PCDH15: variants seen among roughly 807,000 people sequenced by gnomAD.
PCDH15 encodes protocadherin related 15.
In PCDH15, 129 loss-of-function variants were observed where a neutral mutation model predicts 178.5. That is an observed-to-expected ratio of 0.72 (90% CI 0.63 to 0.84). The LOEUF is 0.84. Ranked by LOEUF, PCDH15 falls within the 40% of genes least tolerant of loss-of-function variation. PCDH15 has a pLI of 0.00. For synonymous variants in PCDH15, 800 were observed against 732.0 expected, an observed-to-expected ratio of 1.09 and a Z score of -1.50; for missense variants, 2,230 against 2,099.9, an observed-to-expected ratio of 1.06 and a Z score of -1.21.
intron 1 of PCDH15, among the ~76,000 whole-genome samples, chr10:55,252,948 T>A (rs1291962477): frequency 2.0e-5 from 3 of 151,920 alleles, no homozygotes; most frequent in African/African-American, 4.8e-5. Context: ...GAGAAAAAAA[T>A]TTTCTAAAAC....
At chr10:54,793,746 G>A (rs1951671464) in intron 1 of PCDH15, among the ~76,000 whole-genome samples, 1 of 148,110 alleles carries the variant, frequency 6.8e-6, no homozygotes, top group African/African-American at 2.5e-5. Context: ...ATGTAAAACT[G>A]TGCTTAGAAC....
At position 53,888,332 on chromosome 10, in the gene PCDH15, G is replaced by GTATGTACATATATA. The variant is rs1564691332; in HGVS notation, c.3501+14910_3501+14911insTATATATGTACATA. Among the ~76,000 whole-genome samples the GTATGTACATATATA allele has an allele frequency of 5.6e-3, 235 of 42,242 alleles. 5 individuals are homozygous for GTATGTACATATATA. Among genetic ancestry groups the GTATGTACATATATA allele is most frequent in the South Asian group, 9.0e-3 (8 of 888 alleles). The allele number at this position is 42,242 out of a possible 152,430, so 27.7% of individuals were successfully genotyped here. The stretch of plus-strand genomic sequence containing the variant: ...TATGTATATATGTACGTATATATAT[G>GTATGTACATATATA]TACGTATATATATATACGTATATAT... On this transcript the variant is annotated intron_variant, in intron 26 of 37. Transcript: ENST00000644397.
At chr10:54,721,327 G>C (rs1186836291) in intron 1 of PCDH15, among the ~76,000 whole-genome samples, 1 of 151,482 alleles carries the variant, frequency 6.6e-6, no homozygotes, top group Non-Finnish European at 1.5e-5. Flanking sequence ...CAAGCAACTA[G>C]AAAAAGGACA....
chr10:54,421,662 G>GTGTATATATATATATA (rs1554963405), intron 3 of PCDH15, among the ~76,000 whole-genome samples: 1 of 70,958 alleles, frequency 1.4e-5, no homozygotes, highest in African/African-American at 6.5e-5. Context: ...CATGTGTAGT[G>GTGTATATATATATATA]TATATATACA....
At chr10:54,806,893 T>C (rs1298864631) in intron 3 of PCDH15, among the ~76,000 whole-genome samples, 2 of 152,184 alleles carry the variant, frequency 1.3e-5, no homozygotes, top group African/African-American at 2.4e-5. Flanking sequence ...GTTTAAAACA[T>C]GGCTGATTGC....
At chr10:54,543,032 C>G (rs2085432986) in intron 2 of PCDH15, among the ~76,000 whole-genome samples, 1 of 152,202 alleles carries the variant, frequency 6.6e-6, no homozygotes, top group Non-Finnish European at 1.5e-5. Context: ...CCGACAGACA[C>G]TGGCACGCGT....
intron 1 of PCDH15, among the ~76,000 whole-genome samples, chr10:54,713,818 A>C (rs2095449825): frequency 6.6e-6 from 1 of 152,140 alleles, no homozygotes; most frequent in Non-Finnish European, 1.5e-5. Context: ...GAAAAGGCAA[A>C]ACATGTTTTA....
At chr10:54,020,094 G>C in intron 20 of PCDH15, 98 bp downstream of exon 20, 1 of 1,022,956 alleles carries the variant, frequency 9.8e-7, no homozygotes, top group South Asian at 1.3e-5. Context: ...GTGTCATTAG[G>C]AATTGTTATC....
intron 3 of PCDH15, among the ~76,000 whole-genome samples, chr10:54,807,995 T>G (rs1166206289): frequency 6.6e-6 from 1 of 151,880 alleles, no homozygotes; most frequent in East Asian, 1.9e-4. Flanking sequence ...TTATATAAAT[T>G]TTATAGTTCT....
chr10:54,774,276 C>G (rs1949456889), intron 1 of PCDH15, among the ~76,000 whole-genome samples: 1 of 152,052 alleles, frequency 6.6e-6, no homozygotes. Context: ...GATCTGTCTG[C>G]CTCGGCCTCC....
chr10:54,753,674 G>T (rs1373531423), intron 1 of PCDH15, among the ~76,000 whole-genome samples: 1 of 152,042 alleles, frequency 6.6e-6, no homozygotes, highest in Non-Finnish European at 1.5e-5. Context: ...ATGTGAAAAT[G>T]GTCTGAAAAT....
chr10:55,413,822 A>C (rs1838407709), intron 2 of PCDH15, among the ~76,000 whole-genome samples: 1 of 151,602 alleles, frequency 6.6e-6, no homozygotes, highest in Non-Finnish European at 1.5e-5. Context: ...TTTAGGTTAG[A>C]GAAAACTGAA....
intron 2 of PCDH15, among the ~76,000 whole-genome samples, chr10:54,910,076 G>A (rs894390116): frequency 6.6e-6 from 1 of 152,166 alleles, no homozygotes; most frequent in African/African-American, 2.4e-5. Flanking sequence ...CCATCTGTGC[G>A]AGGGTGGAGG....
At chr10:53,986,035 T>G (rs984228881) in intron 21 of PCDH15, among the ~76,000 whole-genome samples, 1 of 152,218 alleles carries the variant, frequency 6.6e-6, no homozygotes, top group Non-Finnish European at 1.5e-5. Context: ...TTAAACAAAT[T>G]TTTAAGTGTA....
upstream of PCDH15, among the ~76,000 whole-genome samples, chr10:54,804,634 T>C (rs1200032394): frequency 1.3e-5 from 2 of 152,060 alleles, no homozygotes; most frequent in African/African-American, 2.4e-5. Flanking sequence ...TTCTGTGTTT[T>C]ATTCTAAATC....
chr10:55,497,589 A>G (rs1036579280), intron 2 of PCDH15, among the ~76,000 whole-genome samples: 1 of 151,856 alleles, frequency 6.6e-6, no homozygotes, highest in Non-Finnish European at 1.5e-5. Flanking sequence ...AAACATTTTT[A>G]TATTGAAAAT....
Position 55,291,908 on chromosome 10 carries a change from TCTTGTGAAG to T in PCDH15, c.-156+27682_-156+27690del, listed in dbSNP as rs976004533. ...AACTGCCCCCTATAAAACCACTAGA[TCTTGTGAAG>T]CTTATTCACTATCACAAGAACAGTA... On this transcript the variant is annotated intron_variant, in intron 1 of 5. Coordinates refer to the PCDH15 transcript ENST00000458638. Among the ~76,000 whole-genome samples, 177 of 152,220 alleles carry T rather than the reference TCTTGTGAAG, an allele frequency of 1.2e-3. 1 individual carries two copies. Among genetic ancestry groups the T allele is most frequent in the African/African-American group, 3.5e-3 (144 of 41,540 alleles).
chr10:55,171,678 G>C (rs1745197554), intron 1 of PCDH15, among the ~76,000 whole-genome samples: 1 of 151,930 alleles, frequency 6.6e-6, no homozygotes. Context: ...TAAGTATTTT[G>C]GTATGATTTC....
intron 4 of PCDH15, among the ~76,000 whole-genome samples, chr10:54,374,526 G>A (rs1459319063): frequency 3.3e-5 from 5 of 151,968 alleles, no homozygotes; most frequent in African/African-American, 1.2e-4. Flanking sequence ...GGCCATGTGA[G>A]ACAATCATTT....
Sources: allele counts gnomAD v4.1 joint callset (sites outside exome capture counted in the v4.1 genomes callset), GRCh38; gene constraint gnomAD v4.1.1; transcripts MANE v1.5; gene names NCBI Gene and HGNC (gene_info 2026-07-23, HGNC 2026-07-21).